Variants in GNG2 observed in about 807,000 individuals in gnomAD.
GNG2 encodes G protein subunit gamma 2.
Under a neutral mutation model 5.5 loss-of-function variants are expected in GNG2, and 5 were observed. That is an observed-to-expected ratio of 0.91 (90% CI 0.48 to 1.92). GNG2 has a LOEUF of 1.92. Ranked by LOEUF, GNG2 falls within the 30% of genes most tolerant of loss-of-function variation. The pLI, the probability that GNG2 is intolerant of heterozygous loss-of-function variation, is 0.01. For missense variants in GNG2, 55 were observed against 88.4 expected, an observed-to-expected ratio of 0.62 and a Z score of 1.52; for synonymous variants, 28 against 32.0, an observed-to-expected ratio of 0.88 and a Z score of 0.42.
chr14:51,917,883 G>A (rs1365228485), intron 2 of GNG2, among the ~76,000 whole-genome samples: 2 of 151,818 alleles, frequency 1.3e-5, no homozygotes, highest in Admixed American at 6.6e-5. Flanking sequence ...AAAATTAGCC[G>A]GGCATGGTGG....
At chr14:51,893,104 C>T (rs796996972) in intron 2 of GNG2, among the ~76,000 whole-genome samples, 3 of 152,294 alleles carry the variant, frequency 2.0e-5, no homozygotes, top group African/African-American at 7.2e-5. Flanking sequence ...TGTCATACAT[C>T]CATGCTTTAC....
intron 1 of GNG2, among the ~76,000 whole-genome samples, chr14:51,877,210 G>T (rs1883736420): frequency 6.6e-6 from 1 of 152,208 alleles, no homozygotes; most frequent in Non-Finnish European, 1.5e-5. Context: ...GAGCAAGAGT[G>T]TGTTGGTCTC....
At chr14:51,909,499 A>G (rs558953628) in intron 2 of GNG2, among the ~76,000 whole-genome samples, 4 of 152,190 alleles carry the variant, frequency 2.6e-5, no homozygotes, top group Admixed American at 6.5e-5. Flanking sequence ...ATACCTTACT[A>G]TGATTTTGAG....
At chr14:51,918,106 GATA>G (rs915971419) in intron 2 of GNG2, among the ~76,000 whole-genome samples, 11 of 151,668 alleles carry the variant, frequency 7.3e-5, no homozygotes, top group Admixed American at 5.9e-4. Flanking sequence ...AAAGCTACAG[GATA>G]ATAAACCAGA....
rs564874226 is a variant in GNG2 at position 51,926,647 on chromosome 14, G to A, written c.-29-24003G>A. On this transcript the variant is annotated intron_variant, in intron 2 of 3. Transcript: ENST00000556766. ...TGGGGTGGAGCCTCAGGAAGTTGGC[G>A]CCATTTTGCAGAGGGGAGGAGCCTG... 2.5e-4 allele frequency among the ~76,000 whole-genome samples: 38 copies of A among 152,266 alleles called. 2 individuals are homozygous for A. In the South Asian group the frequency reaches 7.5e-3, roughly 30 times the overall value.
At chr14:51,952,472 A>G (rs1460132531) in intron 3 of GNG2, among the ~76,000 whole-genome samples, 1 of 152,216 alleles carries the variant, frequency 6.6e-6, no homozygotes, top group Non-Finnish European at 1.5e-5. Context: ...TGGATTGTCA[A>G]ATCAGAAAGG....
In GNG2 at chr14:51,870,667, T is replaced by C. The variant is rs552871498; in HGVS notation, c.-70-6950T>C. Among the ~76,000 whole-genome samples the C allele has an allele frequency of 2.2e-3, 330 of 152,362 alleles. 1 individual carries two copies. Among genetic ancestry groups the C allele is most frequent in the African/African-American group, 7.6e-3 (315 of 41,582 alleles). On this transcript the variant is annotated intron_variant, in intron 1 of 3. Coordinates refer to ENST00000556766, the MANE Select transcript of GNG2 (RefSeq NM_053064.5). ...CCTGTAAAGAAGAATGGATCATCTC[T>C]GGAATTTCTGATTATGAGTTATTTA... is the stretch of plus-strand genomic sequence containing the variant.
intron 2 of GNG2, among the ~76,000 whole-genome samples, chr14:51,888,239 A>G (rs906232128): frequency 6.6e-6 from 1 of 152,128 alleles, no homozygotes; most frequent in Admixed American, 6.5e-5. Flanking sequence ...GTAGTATTCT[A>G]TTGTATTGGT....
chr14:51,901,501 T>C (rs973598399), intron 2 of GNG2, among the ~76,000 whole-genome samples: 2 of 152,232 alleles, frequency 1.3e-5, no homozygotes, highest in South Asian at 4.2e-4. Context: ...GCTGAGAAAG[T>C]ATCTCTTTAT....
intron 2 of GNG2, among the ~76,000 whole-genome samples, chr14:51,945,084 C>T (rs1328226581): frequency 6.6e-6 from 1 of 151,730 alleles, no homozygotes; most frequent in African/African-American, 2.4e-5. Flanking sequence ...GAGATACTAT[C>T]TCACACCCAT....
intron 2 of GNG2, among the ~76,000 whole-genome samples, chr14:51,920,230 AT>A (rs1339755409): frequency 1.3e-5 from 2 of 152,160 alleles, no homozygotes; most frequent in African/African-American, 4.8e-5. Flanking sequence ...AGATTTTGGT[AT>A]CCACAGGGGT....
chr14:51,915,286 TGA>T (rs1886548184), intron 2 of GNG2, among the ~76,000 whole-genome samples: 1 of 152,222 alleles, frequency 6.6e-6, no homozygotes, highest in South Asian at 2.1e-4. Flanking sequence ...AGCTTTGGAT[TGA>T]GAAACTTCTA....
At chr14:51,963,193 G>A (rs1889712287) in intron 3 of GNG2, among the ~76,000 whole-genome samples, 1 of 152,112 alleles carries the variant, frequency 6.6e-6, no homozygotes, top group Non-Finnish European at 1.5e-5. Context: ...GAGGAAACAA[G>A]ATAAAACACA....
intron 1 of GNG2, among the ~76,000 whole-genome samples, chr14:51,876,389 A>T (rs1049541250): frequency 3.3e-5 from 5 of 152,286 alleles, no homozygotes; most frequent in Middle Eastern, 3.4e-3. Context: ...GGTTAAAGTC[A>T]TGGAGTGGCA....
At chr14:51,833,846 G>A (rs1881262670) in intron 2 of GNG2, among the ~76,000 whole-genome samples, 1 of 152,170 alleles carries the variant, frequency 6.6e-6, no homozygotes, top group Non-Finnish European at 1.5e-5. Flanking sequence ...TTTCACATAA[G>A]AACCACCAAC....
chr14:51,877,524 T>G (rs975017807), intron 1 of GNG2, 93 bp from the exon 2 acceptor site: 2 of 437,140 alleles, frequency 4.6e-6, no homozygotes, highest in African/African-American at 2.0e-5. Flanking sequence ...CACCCCCGTT[T>G]CAGAAACTTC....
chr14:51,834,018 T>G (rs1336971024), intron 2 of GNG2, among the ~76,000 whole-genome samples: 1 of 152,172 alleles, frequency 6.6e-6, no homozygotes, highest in Non-Finnish European at 1.5e-5. Context: ...CCAACTGAAT[T>G]AGTAAACATG....
At chr14:51,889,094 G>A (rs1310192639) in intron 2 of GNG2, among the ~76,000 whole-genome samples, 2 of 151,256 alleles carry the variant, frequency 1.3e-5, no homozygotes, top group Non-Finnish European at 2.9e-5. Flanking sequence ...GACTGCTAAT[G>A]GGTATGGGTT....
intron 2 of GNG2, among the ~76,000 whole-genome samples, chr14:51,909,321 G>A (rs1370118681): frequency 1.3e-5 from 2 of 152,060 alleles, no homozygotes; most frequent in African/African-American, 4.8e-5. Context: ...ATTCTTCAGG[G>A]CAAATCTTCA....
Sources: gnomAD v4.1 joint callset for allele counts (sites outside exome capture counted in the v4.1 genomes callset) on GRCh38, gnomAD v4.1.1 for gene constraint, MANE v1.5 for transcripts, NCBI Gene and HGNC (gene_info 2026-07-23, HGNC 2026-07-21) for gene names.